AFG2A: variants seen among roughly 807,000 people sequenced by gnomAD.
The protein encoded by AFG2A is AAA ATPase AFG2A.
the AFG2A span, among the ~76,000 whole-genome samples, chr4:123,215,219 A>C: frequency 6.6e-6 from 1 of 152,120 alleles, no homozygotes; most frequent in Non-Finnish European, 1.5e-5. Flanking sequence ...CTAGAGCTGA[A>C]CCAGTTAAGA....
the AFG2A span, among the ~76,000 whole-genome samples, chr4:123,008,254 G>A: frequency 3.3e-5 from 5 of 152,130 alleles, no homozygotes; most frequent in Non-Finnish European, 4.4e-5. Flanking sequence ...AGAGATGCCA[G>A]GCTCTTTTCA....
At chr4:123,314,089 G>C in the AFG2A span, 7 of 1,471,196 alleles carry the variant, frequency 4.8e-6, no homozygotes, top group African/African-American at 1.4e-5. Flanking sequence ...TCAAGATGCT[G>C]AAAATCCTTT....
the AFG2A span, among the ~76,000 whole-genome samples, chr4:123,110,959 C>T: frequency 6.6e-6 from 1 of 152,114 alleles, no homozygotes; most frequent in Non-Finnish European, 1.5e-5. Context: ...ACTTTTTATC[C>T]ATACTTTATT....
chr4:122,989,108 G>A, the AFG2A span, among the ~76,000 whole-genome samples: 806 of 152,160 alleles, frequency 5.3e-3, 8 homozygotes, highest in African/African-American at 0.018. Flanking sequence ...ATCATCAGTC[G>A]TTTAGTGTCT....
chr4:123,173,341 T>G, the AFG2A span, among the ~76,000 whole-genome samples: 23 of 2,512 alleles, frequency 9.2e-3, no homozygotes, highest in South Asian at 0.033. Context: ...AGTCCAATGG[T>G]TTTTTTTTTT....
At chr4:122,936,962 A>G in the AFG2A span, among the ~76,000 whole-genome samples, 1 of 152,152 alleles carries the variant, frequency 6.6e-6, no homozygotes, top group Non-Finnish European at 1.5e-5. Context: ...CATGGGGGAC[A>G]AGAGCGAGAC....
At chr4:122,968,441 C>G in the AFG2A span, among the ~76,000 whole-genome samples, 24 of 152,302 alleles carry the variant, frequency 1.6e-4, no homozygotes, top group South Asian at 4.8e-3. Context: ...CCTTTCCCAG[C>G]CCTACATGCT....
the AFG2A span, among the ~76,000 whole-genome samples, chr4:123,074,674 T>C: frequency 6.6e-6 from 1 of 152,124 alleles, no homozygotes; most frequent in Non-Finnish European, 1.5e-5. Context: ...GTAGTTCATG[T>C]GGATTTTTGT....
chr4:122,997,333 C>T, the AFG2A span, among the ~76,000 whole-genome samples: 1,843 of 152,290 alleles, frequency 0.012, 41 homozygotes, highest in African/African-American at 0.041. Context: ...GCCCATCTCA[C>T]TTAGATAATC....
At chr4:123,219,900 G>A in the AFG2A span, among the ~76,000 whole-genome samples, 420 of 150,736 alleles carry the variant, frequency 2.8e-3, no homozygotes, top group Non-Finnish European at 5.1e-3. Context: ...ACAGAGTTTC[G>A]CTCTTGTTGC....
the AFG2A span, among the ~76,000 whole-genome samples, chr4:123,155,232 A>G: frequency 6.6e-6 from 1 of 151,964 alleles, no homozygotes; most frequent in Non-Finnish European, 1.5e-5. Context: ...CTACAGGTGC[A>G]CACCACCAGA....
At chr4:122,951,069 G>A in the AFG2A span, among the ~76,000 whole-genome samples, 1 of 152,158 alleles carries the variant, frequency 6.6e-6, no homozygotes, top group Non-Finnish European at 1.5e-5. Context: ...TCTGCCTGTT[G>A]ATTTCCAGGT....
chr4:123,239,590 G>A, the AFG2A span, among the ~76,000 whole-genome samples: 4 of 152,112 alleles, frequency 2.6e-5, no homozygotes, highest in African/African-American at 7.2e-5. Context: ...AGCTTCATAA[G>A]TGAAGGATAA....
the AFG2A span, among the ~76,000 whole-genome samples, chr4:123,294,051 C>T: frequency 3.3e-5 from 5 of 152,158 alleles, no homozygotes; most frequent in Admixed American, 3.3e-4. Flanking sequence ...TGTCTCTTAT[C>T]AGCAAGCTGG....
At chr4:123,056,245 CAG>C in the AFG2A span, 261 of 703,524 alleles carry the variant, frequency 3.7e-4, no homozygotes, top group African/African-American at 4.0e-3. Flanking sequence ...AAATAACAAA[CAG>C]AGAAAATAAG....
chr4:123,205,441 ATT>A, the AFG2A span, among the ~76,000 whole-genome samples: 1 of 152,052 alleles, frequency 6.6e-6, no homozygotes, highest in Non-Finnish European at 1.5e-5. Context: ...GGTCAAAAAA[ATT>A]TTTAAGAAAA....
the AFG2A span, among the ~76,000 whole-genome samples, chr4:123,261,067 A>G: frequency 6.6e-6 from 1 of 152,174 alleles, no homozygotes. Flanking sequence ...GCCTGAGAAC[A>G]GTTTCATTCC....
the AFG2A span, among the ~76,000 whole-genome samples, chr4:123,210,719 C>T: frequency 3.3e-5 from 5 of 152,028 alleles, no homozygotes; most frequent in African/African-American, 1.2e-4. Context: ...AGTGGGTTTG[C>T]TAGACTACAT....
chr4:123,145,002 T>G, the AFG2A span, among the ~76,000 whole-genome samples: 5 of 152,074 alleles, frequency 3.3e-5, no homozygotes, highest in African/African-American at 4.8e-5. Flanking sequence ...GGCTAGAAGA[T>G]CCACTCAGCA....
Sources: allele counts gnomAD v4.1 joint callset (sites outside exome capture counted in the v4.1 genomes callset), GRCh38; gene constraint gnomAD v4.1.1; transcripts MANE v1.5; gene names NCBI Gene and HGNC (gene_info 2026-07-23, HGNC 2026-07-21).